Variants in L3MBTL3 observed in about 807,000 individuals in gnomAD.
L3MBTL3 encodes the protein L3MBTL histone methyl-lysine binding protein 3.
A neutral mutation model predicts 102.3 loss-of-function variants in L3MBTL3; 27 were observed. That is an observed-to-expected ratio of 0.26 (90% CI 0.19 to 0.36). The LOEUF is 0.36. Among genes scored for constraint, L3MBTL3 ranks in the 10% least tolerant of loss-of-function variants. The pLI is 1.00. For missense variants in L3MBTL3, 798 were observed against 955.3 expected (o/e 0.84, Z 2.17); for synonymous variants, 340 against 320.9 (o/e 1.06, Z -0.64).
Position 130,120,886 on chromosome 6 carries a change from C to T in L3MBTL3, c.1894C>T (p.His632Tyr), listed in dbSNP as rs780691654. 6.7e-5 allele frequency: 108 copies of T among 1,610,230 alleles called. No homozygotes were observed. The highest frequency in any genetic ancestry group is 9.1e-5 in the Non-Finnish European group (107 of 1,177,814). ...SSSSPEIRDQ[H>Y]ADDVKEDFEE... is the part of the protein sequence containing the mutation. ...AATGCCTGTTTTTCTTAGAGACCAGCATGCTGATGATGTCAAAGAAGACTT... is the reference window on the plus strand; with the variant it reads ...AATGCCTGTTTTTCTTAGAGACCAGTATGCTGATGATGTCAAAGAAGACTT... Residue 632 changes from histidine to tyrosine, a missense_variant, in exon 20 of 23, where the codon CAT becomes TAT. By Grantham distance (83) the His-to-Tyr change is moderately conservative. Coordinates refer to ENST00000361794, the MANE Select transcript of L3MBTL3 (RefSeq NM_032438.4).
chr6:130,047,123 A>G (rs1217047932), intron 3 of L3MBTL3, among the ~76,000 whole-genome samples: 1 of 152,136 alleles, frequency 6.6e-6, no homozygotes, highest in East Asian at 1.9e-4. Context: ...TTTCAGGCTT[A>G]TAGTATGCCT....
At chr6:130,117,094 G>T (rs1785751430) in intron 19 of L3MBTL3, among the ~76,000 whole-genome samples, 1 of 135,894 alleles carries the variant, frequency 7.4e-6, no homozygotes, top group Non-Finnish European at 1.6e-5. Context: ...CTAGCATTAG[G>T]TATATCTCCC....
At chr6:130,096,067 C>T (rs1784344782) in intron 18 of L3MBTL3, among the ~76,000 whole-genome samples, 1 of 152,190 alleles carries the variant, frequency 6.6e-6, no homozygotes, top group South Asian at 2.1e-4. Flanking sequence ...AATTGCTTTA[C>T]ATATCTTGGA....
intron 19 of L3MBTL3, among the ~76,000 whole-genome samples, chr6:130,112,585 A>G (rs1187327057): frequency 6.6e-6 from 1 of 152,192 alleles, no homozygotes; most frequent in Non-Finnish European, 1.5e-5. Context: ...TCGAACACCA[A>G]AGAAATGGAT....
At chr6:130,037,763 T>C (rs1001844423) in intron 2 of L3MBTL3, among the ~76,000 whole-genome samples, 38 of 152,266 alleles carry the variant, frequency 2.5e-4, no homozygotes, top group Non-Finnish European at 4.6e-4. Flanking sequence ...CAAATACTTA[T>C]CATTTCATTG....
chr6:130,114,937 T>G (rs1785568733), intron 19 of L3MBTL3, among the ~76,000 whole-genome samples: 1 of 152,064 alleles, frequency 6.6e-6, no homozygotes, highest in African/African-American at 2.4e-5. Flanking sequence ...GTACGAGGCA[T>G]TTTGGAGGCA....
chr6:130,109,505 G>A (rs766091090), intron 19 of L3MBTL3, among the ~76,000 whole-genome samples: 7 of 152,120 alleles, frequency 4.6e-5, no homozygotes, highest in Admixed American at 1.3e-4. Context: ...AAATGTCTTC[G>A]TTTGAGAAGT....
intron 9 of L3MBTL3, among the ~76,000 whole-genome samples, chr6:130,058,224 G>A (rs1029441213): frequency 6.6e-6 from 1 of 151,302 alleles, no homozygotes; most frequent in Non-Finnish European, 1.5e-5. Context: ...TCTAAAAATG[G>A]GTCACTATAT....
intron 4 of L3MBTL3, 163 bp from the exon 5 acceptor site, chr6:130,049,593 A>T: frequency 1.3e-6 from 1 of 780,028 alleles, no homozygotes; most frequent in Non-Finnish European, 2.1e-6. Context: ...TCTTTGTCCT[A>T]ATGCCAGATC....
intron 16 of L3MBTL3, among the ~76,000 whole-genome samples, chr6:130,089,065 T>A (rs890904175): frequency 1.3e-5 from 2 of 151,626 alleles, no homozygotes; most frequent in African/African-American, 2.4e-5. Flanking sequence ...ACTCTATCTT[T>A]TTATTATTAT....
At chr6:130,130,462 T>C (rs1786931502) in intron 20 of L3MBTL3, among the ~76,000 whole-genome samples, 1 of 152,192 alleles carries the variant, frequency 6.6e-6, no homozygotes, top group African/African-American at 2.4e-5. Flanking sequence ...TACCATTTCA[T>C]ATAAAGCTGT....
intron 11 of L3MBTL3, 58 bp downstream of exon 11, chr6:130,066,546 C>T: frequency 4.2e-6 from 6 of 1,436,460 alleles, no homozygotes; most frequent in Non-Finnish European, 5.8e-6. Flanking sequence ...TTCTTACATG[C>T]TACATTAGAA....
chr6:130,057,298 CAG>C (rs761738631), intron 8 of L3MBTL3, 106 bp from the exon 9 acceptor site: 2 of 825,986 alleles, frequency 2.4e-6, no homozygotes, highest in Non-Finnish European at 4.1e-6. Flanking sequence ...TCCTGGAAGT[CAG>C]AGAAGAGCCA....
At chr6:130,098,840 T>TAG (rs1374668166) in intron 18 of L3MBTL3, among the ~76,000 whole-genome samples, 5 of 151,058 alleles carry the variant, frequency 3.3e-5, no homozygotes, top group Admixed American at 3.3e-4. Context: ...AGTGGCCTGA[T>TAG]AGAGCCTGCC....
At chr6:130,097,598 G>T (rs922439829) in intron 18 of L3MBTL3, among the ~76,000 whole-genome samples, 1 of 152,118 alleles carries the variant, frequency 6.6e-6, no homozygotes, top group Non-Finnish European at 1.5e-5. Context: ...TTGGAGATGG[G>T]TATGGTTTTC....
intron 2 of L3MBTL3, among the ~76,000 whole-genome samples, chr6:130,025,418 T>C (rs1409633439): frequency 2.0e-5 from 3 of 152,186 alleles, no homozygotes; most frequent in Non-Finnish European, 4.4e-5. Context: ...AACGGATTTG[T>C]ATTGACTGTG....
chr6:130,050,938 T>C (rs1781055772), intron 5 of L3MBTL3, among the ~76,000 whole-genome samples: 1 of 152,274 alleles, frequency 6.6e-6, no homozygotes, highest in Non-Finnish European at 1.5e-5. Context: ...GAAGTTTCTA[T>C]AGATCGATAT....
rs111990567 is a variant in L3MBTL3 at position 130,067,911 on chromosome 6, T to G, written c.1001-419T>G. On this transcript the variant is annotated intron_variant, in intron 11 of 22. Coordinates refer to ENST00000361794, the MANE Select transcript of L3MBTL3 (RefSeq NM_032438.4). ...GGCCAAAAAGATTTTACCTGTTTCATTTCTATTATTTCCACCTTTCCACTT... is the reference window on the plus strand; with the variant it reads ...GGCCAAAAAGATTTTACCTGTTTCAGTTCTATTATTTCCACCTTTCCACTT... Among the ~76,000 whole-genome samples, 543 of 152,296 alleles carry G rather than the reference T, an allele frequency of 3.6e-3. 4 individuals are homozygous for G. Among genetic ancestry groups the G allele is most frequent in the African/African-American group, 0.011 (448 of 41,562 alleles).
At chr6:130,131,300 A>G (rs1304650460) in intron 20 of L3MBTL3, among the ~76,000 whole-genome samples, 1 of 152,204 alleles carries the variant, frequency 6.6e-6, no homozygotes, top group East Asian at 1.9e-4. Flanking sequence ...ATACCACTAT[A>G]CACCCACTAA....
Sources: allele counts gnomAD v4.1 joint callset (sites outside exome capture counted in the v4.1 genomes callset), GRCh38; gene constraint gnomAD v4.1.1; transcripts MANE v1.5; gene names NCBI Gene and HGNC (gene_info 2026-07-23, HGNC 2026-07-21).